The following NHSL3 variants were observed in gnomAD, a reference collection of about 807,000 sequenced individuals.
The protein encoded by NHSL3 is NHS-like protein 3.
At chr1:32,753,614 G>T in the NHSL3 span, among the ~76,000 whole-genome samples, 5 of 152,246 alleles carry the variant, frequency 3.3e-5, no homozygotes, top group Non-Finnish European at 7.3e-5. Flanking sequence ...CTACTATTTT[G>T]AACACTGTAA....
the NHSL3 span, chr1:32,770,278 G>A: frequency 1.2e-6 from 2 of 1,604,962 alleles, no homozygotes; most frequent in Non-Finnish European, 1.7e-6. This position sits in a 1 kb window ranked among gnomAD's most constrained non-coding sequence, Gnocchi z 8.3. Flanking sequence ...AGTGGACGTG[G>A]TGGCCCTAGG....
chr1:32,752,901 GCACACACACACACACACACACACACA>G, the NHSL3 span, among the ~76,000 whole-genome samples: 2 of 71,622 alleles, frequency 2.8e-5, no homozygotes, highest in African/African-American at 1.2e-4. Flanking sequence ...AAAAAAACAT[GCACACACACACACACACACACACACA>G]CACACACACA....
chr1:32,757,274 A>C, the NHSL3 span, among the ~76,000 whole-genome samples: 1 of 151,926 alleles, frequency 6.6e-6, no homozygotes, highest in Non-Finnish European at 1.5e-5. Context: ...GAGCCAGTGA[A>C]GGTGTTTGAG....
At chr1:32,762,268 G>C in the NHSL3 span, among the ~76,000 whole-genome samples, 1 of 152,110 alleles carries the variant, frequency 6.6e-6, no homozygotes, top group African/African-American at 2.4e-5. Context: ...TGTTGCTTGG[G>C]AGCCTCTGTG....
chr1:32,771,321 G>A, the NHSL3 span: 2 of 1,595,734 alleles, frequency 1.3e-6, no homozygotes, highest in Non-Finnish European at 1.7e-6. Flanking sequence ...AGACAACCTT[G>A]ACTCCACTGC....
At chr1:32,766,370 G>A in the NHSL3 span, among the ~76,000 whole-genome samples, 1 of 152,124 alleles carries the variant, frequency 6.6e-6, no homozygotes, top group African/African-American at 2.4e-5. Flanking sequence ...TTGAGGGTTG[G>A]GGGCCCCTAC....
At chr1:32,771,692 C>T in the NHSL3 span, 5 of 1,611,590 alleles carry the variant, frequency 3.1e-6, no homozygotes, top group African/African-American at 5.3e-5. Context: ...CCTCCTCCAG[C>T]TCCGCCAGCC....
At chr1:32,771,204 C>T in the NHSL3 span, 1 of 1,612,462 alleles carries the variant, frequency 6.2e-7, no homozygotes, top group Non-Finnish European at 8.5e-7. Flanking sequence ...CACCTCCCTC[C>T]AAGCCCAGGA....
chr1:32,770,702 A>G, the NHSL3 span: 9 of 1,542,256 alleles, frequency 5.8e-6, no homozygotes, highest in South Asian at 1.0e-4. The surrounding 1 kb of genome is among the most constrained non-coding windows in gnomAD (Gnocchi z 8.3). Flanking sequence ...CACTCCCTCC[A>G]TCAGCGGGGC....
chr1:32,770,319 C>T, the NHSL3 span: 19 of 1,612,328 alleles, frequency 1.2e-5, no homozygotes, highest in Non-Finnish European at 1.6e-5. The surrounding 1 kb of genome is among the most constrained non-coding windows in gnomAD (Gnocchi z 8.3). Flanking sequence ...TAAGCCGCTG[C>T]AGCCTGCACT....
At chr1:32,747,178 T>G in the NHSL3 span, among the ~76,000 whole-genome samples, 1 of 150,094 alleles carries the variant, frequency 6.7e-6, no homozygotes, top group African/African-American at 2.5e-5. Flanking sequence ...CAAAGATGGT[T>G]TTTTTTTTGT....
At chr1:32,771,326 C>T in the NHSL3 span, 2 of 1,595,526 alleles carry the variant, frequency 1.3e-6, no homozygotes, top group Non-Finnish European at 1.7e-6. Flanking sequence ...ACCTTGACTC[C>T]ACTGCAGGAG....
At chr1:32,771,293 A>C in the NHSL3 span, 2 of 1,605,184 alleles carry the variant, frequency 1.2e-6, no homozygotes, top group Non-Finnish European at 1.7e-6. Flanking sequence ...GCCAGTCCTC[A>C]GTCCCCTCCC....
At chr1:32,757,754 A>G in the NHSL3 span, among the ~76,000 whole-genome samples, 1 of 152,244 alleles carries the variant, frequency 6.6e-6, no homozygotes, top group Non-Finnish European at 1.5e-5. Context: ...TCTCAAGGCC[A>G]CACAGCAAGG....
the NHSL3 span, among the ~76,000 whole-genome samples, chr1:32,757,251 T>C: frequency 6.6e-6 from 1 of 151,964 alleles, no homozygotes; most frequent in Non-Finnish European, 1.5e-5. Flanking sequence ...GTCTGGAGTC[T>C]GCAGGCCACA....
chr1:32,765,324 G>GGGAATTACA, the NHSL3 span, among the ~76,000 whole-genome samples: 4 of 120,942 alleles, frequency 3.3e-5, no homozygotes, highest in Non-Finnish European at 6.0e-5. Flanking sequence ...AGGGAATTAC[G>GGGAATTACA]CTAGGCAGCC....
At chr1:32,774,949 T>TTAA in the NHSL3 span, 1 of 152,628 alleles carries the variant, frequency 6.6e-6, no homozygotes, top group Non-Finnish European at 1.5e-5. Context: ...TTTAAAGATG[T>TTAA]TAATTAAATG....
chr1:32,752,440 T>G, the NHSL3 span, among the ~76,000 whole-genome samples: 1 of 152,124 alleles, frequency 6.6e-6, no homozygotes, highest in Non-Finnish European at 1.5e-5. Context: ...CTCTACCATG[T>G]TGCCTCTAGT....
chr1:32,754,171 CGGCCGGCAGGTAGG>C, the NHSL3 span: 1 of 710,332 alleles, frequency 1.4e-6, no homozygotes, highest in Non-Finnish European at 2.6e-6. Context: ...GTCGGCGAAG[CGGCCGGCAGGTAGG>C]GGCCGGGGTG....
Sources: gnomAD v4.1 joint callset for allele counts (sites outside exome capture counted in the v4.1 genomes callset) on GRCh38, gnomAD v4.1.1 for gene constraint, Gnocchi (gnomAD v3.1) non-coding constraint, MANE v1.5 for transcripts, NCBI Gene and HGNC (gene_info 2026-07-23, HGNC 2026-07-21) for gene names.